DNMT3B: variants seen among roughly 807,000 people sequenced by gnomAD.
The protein encoded by DNMT3B is DNA (cytosine-5)-methyltransferase 3B.
A neutral mutation model predicts 120.2 loss-of-function variants in DNMT3B; 37 were observed. The observed-to-expected ratio is 0.31, with a 90% CI of 0.24 to 0.40. The LOEUF (loss-of-function observed/expected upper bound fraction) is 0.40, where lower values mean the gene tolerates loss of function less well. Among genes scored for constraint, DNMT3B ranks in the 10% least tolerant of loss-of-function variants. The probability of loss-of-function intolerance (pLI) is 1.00; values close to 1 mark genes in which losing one functional copy is unlikely to be tolerated. For missense variants in DNMT3B, 878 were observed against 1,137.3 expected (o/e 0.77, Z 3.28); for synonymous variants, 412 against 442.8 (o/e 0.93, Z 0.87).
At chr20:32,786,441 C>T in intron 4 of DNMT3B, 61 bp from the exon 5 acceptor site, 4 of 1,611,814 alleles carry the variant, frequency 2.5e-6, no homozygotes, top group Non-Finnish European at 3.4e-6. Context: ...TCCTTCTGGC[C>T]CCGCCAGACC....
chr20:32,777,777 T>G (rs1308581979), intron 1 of DNMT3B, among the ~76,000 whole-genome samples: 2 of 152,202 alleles, frequency 1.3e-5, no homozygotes, highest in Non-Finnish European at 2.9e-5. Context: ...TCATAGGAAC[T>G]GGCCATAGGT....
chr20:32,779,676 G>A (rs1249737695), intron 1 of DNMT3B, among the ~76,000 whole-genome samples: 12 of 152,168 alleles, frequency 7.9e-5, no homozygotes, highest in Non-Finnish European at 1.6e-4. Context: ...TCCCTCCTTG[G>A]GAACTTGGGA....
chr20:32,780,524 C>T, intron 2 of DNMT3B, 59 bp downstream of exon 2: 1 of 1,594,882 alleles, frequency 6.3e-7, no homozygotes. Flanking sequence ...GCGGTCACTG[C>T]AGACAACTGG....
At chr20:32,789,476 A>G (rs1040788832) in intron 7 of DNMT3B, among the ~76,000 whole-genome samples, 2 of 152,172 alleles carry the variant, frequency 1.3e-5, no homozygotes, top group African/African-American at 4.8e-5. Flanking sequence ...GGTATTTCAG[A>G]GTCTCTTGAT....
chr20:32,780,277 C>A, intron 1 of DNMT3B, 41 bp from the exon 2 acceptor site: 1 of 1,613,742 alleles, frequency 6.2e-7, no homozygotes, highest in Non-Finnish European at 8.5e-7. Flanking sequence ...TCTCATGTCC[C>A]TGCTTCCCTT....
At chr20:32,779,252 C>T (rs918621756) in intron 1 of DNMT3B, among the ~76,000 whole-genome samples, 1 of 152,208 alleles carries the variant, frequency 6.6e-6, no homozygotes, top group African/African-American at 2.4e-5. Context: ...AGGCAAGTGA[C>T]TTGGAAAACT....
intron 18 of DNMT3B, 130 bp downstream of exon 18, chr20:32,801,055 C>A: frequency 8.0e-7 from 1 of 1,255,232 alleles, no homozygotes; most frequent in Non-Finnish European, 1.2e-6. Flanking sequence ...CCTGTTGGTG[C>A]TGCCTACGCT....
At position 32,785,862 on chromosome 20, in the gene DNMT3B, T is replaced by TTTTCTTTC. The variant is rs10623814; in HGVS notation, c.307-624_307-617dup. Among the ~76,000 whole-genome samples, 195 of 149,318 alleles carry TTTTCTTTC rather than the reference T, an allele frequency of 1.3e-3. 1 individual carries two copies. Among genetic ancestry groups the TTTTCTTTC allele is most frequent in the South Asian group, 5.7e-3 (27 of 4,722 alleles). The stretch of plus-strand genomic sequence containing the variant: ...AGTTTATTTTAGAGTGAACACGAAT[T>TTTTCTTTC]TTTCTTTCTTTCTTTCTTTCTTTTT... On this transcript the variant is annotated intron_variant, in intron 4 of 22. Coordinates refer to ENST00000328111, the MANE Select transcript of DNMT3B (RefSeq NM_006892.4).
At chr20:32,787,002 A>G (rs1397470395) in intron 5 of DNMT3B, among the ~76,000 whole-genome samples, 1 of 152,134 alleles carries the variant, frequency 6.6e-6, no homozygotes, top group Non-Finnish European at 1.5e-5. Flanking sequence ...CCTCGTCATT[A>G]CCCATCATTT....
chr20:32,797,598 A>G (rs776429254), intron 14 of DNMT3B, among the ~76,000 whole-genome samples: 4 of 151,888 alleles, frequency 2.6e-5, no homozygotes, highest in Non-Finnish European at 4.4e-5. Flanking sequence ...TGCTCAAGCA[A>G]TCCTCCCACC....
At chr20:32,773,170 T>C (rs1382925400) in intron 1 of DNMT3B, among the ~76,000 whole-genome samples, 1 of 151,114 alleles carries the variant, frequency 6.6e-6, no homozygotes, top group East Asian at 2.0e-4. Flanking sequence ...CAGGCTGGAG[T>C]GCAGTGGCTC....
chr20:32,800,430 T>A (rs1981189357), intron 17 of DNMT3B, 132 bp downstream of exon 17: 1 of 1,364,834 alleles, frequency 7.3e-7, no homozygotes, highest in Non-Finnish European at 1.0e-6. Flanking sequence ...GTGGGAATCT[T>A]AAGCATTAGG....
chr20:32,798,767 G>C (rs1286844154), intron 15 of DNMT3B, 124 bp downstream of exon 15: 1 of 1,395,502 alleles, frequency 7.2e-7, no homozygotes, highest in Non-Finnish European at 9.8e-7. Flanking sequence ...AGCCTCAATG[G>C]CTGAGAGACC....
intron 1 of DNMT3B, among the ~76,000 whole-genome samples, chr20:32,779,387 C>G (rs150859707): frequency 6.6e-5 from 10 of 152,280 alleles, no homozygotes; most frequent in East Asian, 1.9e-4. Context: ...TTTTCTTTTT[C>G]TAGAAGGTGA....
chr20:32,793,719 C>G, intron 10 of DNMT3B, 124 bp downstream of exon 10: 1 of 1,062,902 alleles, frequency 9.4e-7, no homozygotes, highest in South Asian at 1.3e-5. Flanking sequence ...AACTCCCTCC[C>G]CACTCTCCCC....
intron 1 of DNMT3B, among the ~76,000 whole-genome samples, chr20:32,767,920 G>C (rs1412566057): frequency 3.3e-5 from 5 of 152,204 alleles, no homozygotes; most frequent in Non-Finnish European, 7.3e-5. Context: ...TGTGTGTTCT[G>C]GGGCCAGAGC....
At chr20:32,801,100 CTAGTAAA>C (rs1981283174) in intron 18 of DNMT3B, among the ~76,000 whole-genome samples, 171 bp from the exon 19 acceptor site, 3 of 152,302 alleles carry the variant, frequency 2.0e-5, no homozygotes, top group Middle Eastern at 3.4e-3. Flanking sequence ...GGGAAATACC[CTAGTAAA>C]TAGTGCCCTG....
At chr20:32,765,743 A>ATTTTT (rs776698424) in intron 1 of DNMT3B, among the ~76,000 whole-genome samples, 1 of 89,646 alleles carries the variant, frequency 1.1e-5, no homozygotes, top group Admixed American at 1.2e-4. Flanking sequence ...TTATTTATTT[A>ATTTTT]TTTTTTCTTT....
intron 18 of DNMT3B, 143 bp downstream of exon 18, chr20:32,801,068 A>C (rs1028131419): frequency 1.6e-6 from 2 of 1,239,656 alleles, no homozygotes; most frequent in Admixed American, 3.7e-5. Flanking sequence ...CCTACGCTCC[A>C]TAGTAAATCC....
Sources: allele counts gnomAD v4.1 joint callset (sites outside exome capture counted in the v4.1 genomes callset), GRCh38; gene constraint gnomAD v4.1.1; transcripts MANE v1.5; gene names NCBI Gene and HGNC (gene_info 2026-07-23, HGNC 2026-07-21).